The following PTPRD variants were observed in gnomAD, a reference collection of about 807,000 sequenced individuals.
PTPRD encodes receptor-type tyrosine-protein phosphatase delta.
A neutral mutation model predicts 214.5 loss-of-function variants in PTPRD; 34 were observed. The observed-to-expected ratio is 0.16, with a 90% CI of 0.12 to 0.21. PTPRD has a LOEUF of 0.21. Ranked by LOEUF, PTPRD falls within the 10% of genes least tolerant of loss-of-function variation. The pLI is 1.00. For missense variants in PTPRD, 2,545 were observed against 2,398.7 expected (o/e 1.06, Z -1.27); for synonymous variants, 1,128 against 845.7 (o/e 1.33, Z -5.79).
At chr9:9,211,519 A>G (rs749415069) in intron 9 of PTPRD, among the ~76,000 whole-genome samples, 1,086 of 28,626 alleles carry the variant, frequency 0.038, 16 homozygotes, top group Middle Eastern at 0.1. Flanking sequence ...GCGCACGCAC[A>G]CACACACACA....
At chr9:9,533,262 T>A (rs1400361741) in intron 8 of PTPRD, among the ~76,000 whole-genome samples, 1 of 152,120 alleles carries the variant, frequency 6.6e-6, no homozygotes, top group Non-Finnish European at 1.5e-5. Context: ...TGAATGAGCA[T>A]ACAATGTATA....
intron 2 of PTPRD, among the ~76,000 whole-genome samples, chr9:10,457,572 G>A (rs539140607): frequency 3.4e-4 from 52 of 152,036 alleles, no homozygotes; most frequent in African/African-American, 1.2e-3. Flanking sequence ...GGCTGTTATA[G>A]ATAAAGCTGC....
At position 10,414,942 on chromosome 9, in the gene PTPRD, G is replaced by A. The variant is rs963390368; in HGVS notation, c.-599-73925C>T. Among the ~76,000 whole-genome samples the A allele has an allele frequency of 1.8e-4, 28 of 151,504 alleles. 1 individual carries two copies. The highest frequency in any genetic ancestry group is 6.8e-4 in the African/African-American group (28 of 41,318). On this transcript the variant is annotated intron_variant, in intron 2 of 45. Transcript: ENST00000381196. ...GGGGTCTACTTGAGGGTGAAGGATGGGAAGAAAGAGAGGAGCAGAAATAAT... is the reference window on the plus strand; with the variant it reads ...GGGGTCTACTTGAGGGTGAAGGATGAGAAGAAAGAGAGGAGCAGAAATAAT...
At chr9:9,132,006 T>C (rs926591353) in intron 10 of PTPRD, among the ~76,000 whole-genome samples, 1 of 151,842 alleles carries the variant, frequency 6.6e-6, no homozygotes, top group African/African-American at 2.4e-5. Context: ...TTTTTGTTTG[T>C]TTGTTTGTTT....
chr9:8,433,667 G>T (rs567511141), intron 35 of PTPRD, among the ~76,000 whole-genome samples: 7 of 152,076 alleles, frequency 4.6e-5, no homozygotes, highest in Non-Finnish European at 8.8e-5. Context: ...ATAAAATAAG[G>T]ATATAAAGAA....
chr9:8,896,932 C>A (rs12684971), intron 11 of PTPRD, among the ~76,000 whole-genome samples: 1 of 151,974 alleles, frequency 6.6e-6, no homozygotes, highest in Non-Finnish European at 1.5e-5. Flanking sequence ...AGAAAGAGAA[C>A]TGTAGATTAG....
chr9:9,139,615 G>A (rs910749505), intron 10 of PTPRD, among the ~76,000 whole-genome samples: 12 of 133,564 alleles, frequency 9.0e-5, no homozygotes, highest in Non-Finnish European at 8.7e-5. Context: ...CCGGACAAAG[G>A]GTGGATTCAT....
chr9:9,842,611 A>C (rs2058601096), intron 5 of PTPRD, among the ~76,000 whole-genome samples: 1 of 151,982 alleles, frequency 6.6e-6, no homozygotes, highest in East Asian at 1.9e-4. Context: ...CTGATTATGA[A>C]GAAAACTGTC....
chr9:9,379,532 C>T (rs2061616737), intron 9 of PTPRD, among the ~76,000 whole-genome samples: 9 of 151,832 alleles, frequency 5.9e-5, no homozygotes, highest in Admixed American at 5.9e-4. Context: ...TATTATTTCT[C>T]TTTATATAAC....
chr9:10,550,727 C>A (rs770301287), intron 2 of PTPRD, among the ~76,000 whole-genome samples: 3 of 152,204 alleles, frequency 2.0e-5, no homozygotes, highest in Non-Finnish European at 4.4e-5. Context: ...ATGATATGTG[C>A]TTCAGGTGGG....
intron 35 of PTPRD, among the ~76,000 whole-genome samples, chr9:8,416,623 T>A (rs72691067): frequency 1.7e-3 from 265 of 152,248 alleles, no homozygotes; most frequent in Non-Finnish European, 3.2e-3. Context: ...TCCATGAAGG[T>A]AACTTCAGTG....
At chr9:9,348,487 T>C (rs934391870) in intron 9 of PTPRD, among the ~76,000 whole-genome samples, 2 of 152,072 alleles carry the variant, frequency 1.3e-5, no homozygotes, top group Non-Finnish European at 2.9e-5. Context: ...ACTTGGTGAT[T>C]GAAAGAGTGG....
intron 2 of PTPRD, among the ~76,000 whole-genome samples, chr9:10,533,726 T>A (rs1184618412): frequency 1.3e-5 from 2 of 151,980 alleles, no homozygotes; most frequent in African/African-American, 2.4e-5. Flanking sequence ...TAAGAGCTTT[T>A]TAAAATAATC....
intron 8 of PTPRD, among the ~76,000 whole-genome samples, chr9:9,487,046 T>A (rs2095667832): frequency 2.0e-5 from 3 of 152,124 alleles, no homozygotes; most frequent in African/African-American, 7.2e-5. Flanking sequence ...AAACCAGTCA[T>A]TACTCATTTT....
intron 8 of PTPRD, among the ~76,000 whole-genome samples, chr9:9,402,341 G>T (rs1346799258): frequency 6.6e-6 from 1 of 152,236 alleles, no homozygotes; most frequent in East Asian, 1.9e-4. Flanking sequence ...TCTAGGAGAA[G>T]TGATAAAAAG....
At chr9:8,560,436 TACATAC>T (rs2085724766) in intron 14 of PTPRD, among the ~76,000 whole-genome samples, 1 of 115,000 alleles carries the variant, frequency 8.7e-6, no homozygotes, top group South Asian at 2.7e-4. Flanking sequence ...TAAAAAAAAA[TACATAC>T]ACACACACAC....
At chr9:9,732,062 T>C (rs1434554554) in intron 7 of PTPRD, among the ~76,000 whole-genome samples, 1 of 151,876 alleles carries the variant, frequency 6.6e-6, no homozygotes, top group Admixed American at 6.6e-5. Context: ...TTGAAAACAA[T>C]GAAGACTTCC....
chr9:10,082,282 C>T (rs72694827), intron 3 of PTPRD, among the ~76,000 whole-genome samples: 7,486 of 152,202 alleles, frequency 0.049, 230 homozygotes, highest in Admixed American at 0.099. Flanking sequence ...TCTCTCATCA[C>T]CTTTTTCACA....
chr9:8,616,783 T>C (rs1003772336), intron 14 of PTPRD, among the ~76,000 whole-genome samples: 3 of 152,186 alleles, frequency 2.0e-5, no homozygotes, highest in Admixed American at 6.6e-5. Context: ...TAGACAGTTT[T>C]ATTCTTAGAT....
Sources: gnomAD v4.1 joint callset for allele counts (sites outside exome capture counted in the v4.1 genomes callset) on GRCh38, gnomAD v4.1.1 for gene constraint, MANE v1.5 for transcripts, NCBI Gene and HGNC (gene_info 2026-07-23, HGNC 2026-07-21) for gene names.